The following TBC1D30 variants were observed in gnomAD, a reference collection of about 807,000 sequenced individuals.
The protein encoded by TBC1D30 is TBC1 domain family, member 30.
Under a neutral mutation model 63.2 loss-of-function variants are expected in TBC1D30, and 31 were observed. The observed-to-expected ratio is 0.49, with a 90% CI of 0.37 to 0.66. The LOEUF (loss-of-function observed/expected upper bound fraction) is 0.66, where lower values mean the gene tolerates loss of function less well. TBC1D30 is among the 30% of genes least tolerant of loss of function. TBC1D30 has a pLI of 0.00. For missense variants in TBC1D30, 810 were observed against 953.6 expected, an observed-to-expected ratio of 0.85 and a Z score of 1.98; for synonymous variants, 307 against 361.5, an observed-to-expected ratio of 0.85 and a Z score of 1.71.
intron 2 of TBC1D30, among the ~76,000 whole-genome samples, chr12:64,808,869 C>T (rs1267044874): frequency 1.3e-5 from 2 of 151,852 alleles, no homozygotes; most frequent in Non-Finnish European, 2.9e-5. Flanking sequence ...AGTAATATAT[C>T]CATGCTACAA....
At chr12:64,861,300 A>T (rs1351279749) in intron 8 of TBC1D30, among the ~76,000 whole-genome samples, 1 of 152,226 alleles carries the variant, frequency 6.6e-6, no homozygotes, top group Non-Finnish European at 1.5e-5. Context: ...GGTAGTTCAG[A>T]TAGTAAATAG....
chr12:64,833,523 G>A (rs964895872), intron 5 of TBC1D30, among the ~76,000 whole-genome samples: 6 of 151,996 alleles, frequency 3.9e-5, no homozygotes, highest in Admixed American at 1.3e-4. Flanking sequence ...TTCAAGAACC[G>A]CCCCCCGACA....
upstream of TBC1D30, chr12:64,824,485 A>G (rs1874106263): frequency 5.5e-6 from 1 of 183,460 alleles, no homozygotes; most frequent in Non-Finnish European, 1.1e-5. Context: ...TTACGCGCCC[A>G]CTGGCTCCCT....
Position 64,824,934 on chromosome 12 carries a change from C to T in TBC1D30, c.55C>T (p.Arg19Trp), listed in dbSNP as rs1188204408. Residue 19 changes from arginine to tryptophan, a missense_variant, in exon 1 of 12, where the codon CGG becomes TGG. Transcript: ENST00000539867. ...GAGGCGCGGGGGGAGATGCCTGAAG[C>T]GGCAGGGCGGCGGCGTGGGCACCAT... ...SLRRGGRCLK[R>W]QGGGVGTILS... The T allele has an allele frequency of 5.2e-6, 8 of 1,534,466 alleles. No individual in the cohort carries two copies. The highest frequency in any genetic ancestry group is 1.2e-5 in the South Asian group (1 of 83,934).
At chr12:64,772,939 T>C (rs1450170269) in intron 1 of TBC1D30, among the ~76,000 whole-genome samples, 1 of 152,232 alleles carries the variant, frequency 6.6e-6, no homozygotes, top group Non-Finnish European at 1.5e-5. Flanking sequence ...GAATCTTGTG[T>C]AATAATAATT....
At chr12:64,846,033 T>C (rs1218515090) in intron 8 of TBC1D30, among the ~76,000 whole-genome samples, 1 of 151,992 alleles carries the variant, frequency 6.6e-6, no homozygotes, top group East Asian at 1.9e-4. Context: ...TTCAGATCTT[T>C]TGCCCATTTT....
chr12:64,815,882 G>A (rs933848035), intron 2 of TBC1D30, among the ~76,000 whole-genome samples: 5 of 151,950 alleles, frequency 3.3e-5, no homozygotes, highest in Admixed American at 2.0e-4. Flanking sequence ...GACCTCCTGG[G>A]CTCAGGTGAT....
chr12:64,866,761 A>G lies in TBC1D30; in HGVS notation c.1152-3A>G. 1 of 1,533,870 alleles carries G rather than the reference A, an allele frequency of 6.5e-7. No individual in the cohort carries two copies. Among genetic ancestry groups the G allele is most frequent in the Non-Finnish European group, 8.7e-7 (1 of 1,146,250 alleles). ...TTCTTTTTTGTCTTTTATGTTTTCC[A>G]AGACGACATAGTAAGGCCAGAGACA... On this transcript the variant is annotated splice_polypyrimidine_tract_variant and splice_region_variant and intron_variant, in intron 9 of 11. Transcript: ENST00000539867.
chr12:64,778,030 G>A (rs1871132550), upstream of TBC1D30, among the ~76,000 whole-genome samples: 1 of 152,158 alleles, frequency 6.6e-6, no homozygotes, highest in African/African-American at 2.4e-5. Flanking sequence ...CTGAAGTGCT[G>A]GTATTACAGG....
intron 8 of TBC1D30, among the ~76,000 whole-genome samples, chr12:64,850,818 T>C (rs1206303162): frequency 1.3e-5 from 2 of 152,220 alleles, no homozygotes; most frequent in Non-Finnish European, 2.9e-5. Context: ...TCCCTCTTTT[T>C]CTATTGATTG....
At position 64,874,933 on chromosome 12, in the gene TBC1D30, A is replaced by G. The variant is rs1878926149; in HGVS notation, c.1499-68A>G. 6 of 1,434,714 alleles carry G rather than the reference A, an allele frequency of 4.2e-6. No individual in the cohort carries two copies. In the Admixed American group the frequency reaches 6.6e-5, roughly 16 times the overall value. 88.9% of individuals were successfully genotyped at this position (1,434,714 alleles called of 1,614,324 possible). On this transcript the variant is annotated intron_variant, in intron 11 of 11. Transcript: ENST00000539867. Reference sequence around the variant, plus strand: ...ACGGGGCTGGGAGGACCTCTAAGTGATTTCTGTTCCAAGATGGATGTGTTT... The same window carrying G: ...ACGGGGCTGGGAGGACCTCTAAGTGGTTTCTGTTCCAAGATGGATGTGTTT...
intron 8 of TBC1D30, among the ~76,000 whole-genome samples, chr12:64,847,483 A>G (rs1290472583): frequency 6.6e-6 from 1 of 152,030 alleles, no homozygotes; most frequent in African/African-American, 2.4e-5. Context: ...TATTTATTTG[A>G]CGTTTTTCTT....
intron 1 of TBC1D30, among the ~76,000 whole-genome samples, chr12:64,827,589 G>A (rs1180432665): frequency 1.3e-5 from 2 of 152,118 alleles, no homozygotes; most frequent in African/African-American, 4.8e-5. Flanking sequence ...TTTTGCTTTT[G>A]TGGTACTCCA....
At chr12:64,844,640 G>A (rs1876199176) in intron 8 of TBC1D30, among the ~76,000 whole-genome samples, 1 of 152,044 alleles carries the variant, frequency 6.6e-6, no homozygotes, top group Non-Finnish European at 1.5e-5. Flanking sequence ...ACTACTTTTT[G>A]TACCCACTAA....
intron 1 of TBC1D30, chr12:64,759,662 C>G (rs1328602521): frequency 4.7e-6 from 1 of 213,636 alleles, no homozygotes; most frequent in Non-Finnish European, 9.3e-6. Context: ...ACGTACCTCT[C>G]GCGCAGGCTC....
At chr12:64,849,914 G>A (rs574505122) in intron 8 of TBC1D30, among the ~76,000 whole-genome samples, 6 of 152,290 alleles carry the variant, frequency 3.9e-5, no homozygotes, top group East Asian at 1.9e-4. Context: ...AGCATGGAAT[G>A]TTTTTCCATT....
upstream of TBC1D30, among the ~76,000 whole-genome samples, chr12:64,823,000 C>A (rs1351264851): frequency 6.6e-6 from 1 of 151,654 alleles, no homozygotes. Flanking sequence ...CTGAGTTGTC[C>A]TTACTTCTAA....
chr12:64,800,948 TTA>T (rs1164434509), intron 2 of TBC1D30, among the ~76,000 whole-genome samples: 1 of 152,134 alleles, frequency 6.6e-6, no homozygotes, highest in Non-Finnish European at 1.5e-5. Flanking sequence ...AGCAAGGATA[TTA>T]GAGTCATTCT....
chr12:64,794,298 G>C (rs1394142885), intron 2 of TBC1D30, among the ~76,000 whole-genome samples: 1 of 151,938 alleles, frequency 6.6e-6, no homozygotes, highest in East Asian at 1.9e-4. Context: ...CTTTCAATCA[G>C]GCAACTTTTG....
Sources: allele counts gnomAD v4.1 joint callset (sites outside exome capture counted in the v4.1 genomes callset), GRCh38; gene constraint gnomAD v4.1.1; transcripts MANE v1.5; gene names NCBI Gene and HGNC (gene_info 2026-07-23, HGNC 2026-07-21).